The following TMEM266 variants were observed in gnomAD, a reference collection of about 807,000 sequenced individuals.
The protein encoded by TMEM266 is transmembrane protein 266, also known as Hv1 related protein 1.
Under a neutral mutation model 50.5 loss-of-function variants are expected in TMEM266, and 33 were observed. That is an observed-to-expected ratio of 0.65 (90% CI 0.50 to 0.87). TMEM266 has a LOEUF of 0.87. Among genes scored for constraint, TMEM266 ranks in the 40% least tolerant of loss-of-function variants. The pLI is 0.00. For synonymous variants in TMEM266, 310 were observed against 292.3 expected (o/e 1.06, Z -0.62); for missense variants, 655 against 695.1 (o/e 0.94, Z 0.65).
intron 7 of TMEM266, among the ~76,000 whole-genome samples, chr15:76,173,184 C>G (rs561478588): frequency 1.3e-5 from 2 of 152,278 alleles, no homozygotes; most frequent in East Asian, 3.9e-4. Context: ...GTGGCCGGTC[C>G]TCAAGCAGAA....
At chr15:76,149,433 T>A (rs2037804892) in intron 3 of TMEM266, among the ~76,000 whole-genome samples, 1 of 152,210 alleles carries the variant, frequency 6.6e-6, no homozygotes, top group East Asian at 1.9e-4. Flanking sequence ...GGTGGTCATA[T>A]GAGAACCATG....
chr15:76,148,326 G>T (rs1447098561), intron 3 of TMEM266, among the ~76,000 whole-genome samples: 1 of 152,182 alleles, frequency 6.6e-6, no homozygotes, highest in East Asian at 1.9e-4. Context: ...CCAAACCACA[G>T]CAAACCTGGA....
At chr15:76,141,799 C>A (rs761623728) in intron 3 of TMEM266, among the ~76,000 whole-genome samples, 1 of 152,174 alleles carries the variant, frequency 6.6e-6, no homozygotes, top group Non-Finnish European at 1.5e-5. Flanking sequence ...CCTTTGAATT[C>A]GACTACTCTA....
intron 9 of TMEM266, among the ~76,000 whole-genome samples, chr15:76,200,369 C>G (rs1596174751): frequency 6.6e-6 from 1 of 152,208 alleles, no homozygotes. Context: ...CTGAAAGAGC[C>G]TCGCCAGCGC....
intron 9 of TMEM266, among the ~76,000 whole-genome samples, chr15:76,194,119 G>T (rs567426090): frequency 1.3e-5 from 2 of 152,148 alleles, no homozygotes; most frequent in African/African-American, 4.8e-5. Context: ...CCAGCCTCAC[G>T]TGCTCCCCAC....
chr15:76,160,116 C>G lies in TMEM266; in HGVS notation c.404C>G (p.Ala135Gly). 1 of 1,614,206 alleles carries G rather than the reference C, an allele frequency of 6.2e-7. No homozygotes were observed. Among genetic ancestry groups the G allele is most frequent in the South Asian group, 1.1e-5 (1 of 91,086 alleles). The change falls in exon 5 of 11, where the codon GCT becomes GGT. Residue 135 changes from alanine (A) to glycine (G), a missense_variant. Physicochemically the swap from Ala to Gly is moderately conservative, Grantham distance 60. Coordinates refer to ENST00000388942, the MANE Select transcript of TMEM266 (RefSeq NM_152335.3). This position sits in a 1 kb window ranked among gnomAD's most constrained non-coding sequence, Gnocchi z 5.7. ...GCAGTTTCCAGCGCATTCCAGTTTG[C>G]TGGCGTGATTCACTGGATCAGCCTG...
chr15:76,097,096 G>A (rs1039670965), intron 1 of TMEM266, among the ~76,000 whole-genome samples: 1 of 151,820 alleles, frequency 6.6e-6, no homozygotes, highest in Non-Finnish European at 1.5e-5. Flanking sequence ...TTTAACTGGG[G>A]CATTTAGCCT....
chr15:76,136,354 ATATGTCTGTCACC>A (rs753589750), intron 2 of TMEM266, among the ~76,000 whole-genome samples: 23 of 152,232 alleles, frequency 1.5e-4, no homozygotes, highest in Non-Finnish European at 2.1e-4. Context: ...GATCTTCTCC[ATATGTCTGTCACC>A]TATGTCAGAT....
At chr15:76,066,839 G>A (rs2141980991) in intron 1 of TMEM266, among the ~76,000 whole-genome samples, 1 of 152,192 alleles carries the variant, frequency 6.6e-6, no homozygotes, top group African/African-American at 2.4e-5. Context: ...TTGACATTCT[G>A]TAGCAGAGTT....
intron 7 of TMEM266, chr15:76,175,288 G>T (rs1460566227): frequency 3.1e-6 from 1 of 322,256 alleles, no homozygotes; most frequent in Non-Finnish European, 5.8e-6. Flanking sequence ...CTGGAAAATA[G>T]TCTTTATTCC....
chr15:76,159,356 C>A (rs79392556), intron 4 of TMEM266, among the ~76,000 whole-genome samples: 52 of 152,276 alleles, frequency 3.4e-4, no homozygotes, highest in Non-Finnish European at 6.6e-4. Context: ...AAAGAAAATG[C>A]CTTAACTCTA....
At chr15:76,130,669 C>T (rs1008301510) in intron 1 of TMEM266, among the ~76,000 whole-genome samples, 2 of 152,164 alleles carry the variant, frequency 1.3e-5, no homozygotes, top group Non-Finnish European at 2.9e-5. Context: ...AGGATTTATT[C>T]CAAAACAGTC....
At chr15:76,163,167 C>G (rs1433793769) in intron 5 of TMEM266, among the ~76,000 whole-genome samples, 2 of 152,208 alleles carry the variant, frequency 1.3e-5, no homozygotes, top group Non-Finnish European at 2.9e-5. Flanking sequence ...GTGCAGGCCT[C>G]TGGGTGGGTG....
In TMEM266 at chr15:76,203,963, G is replaced by A. The variant is rs373954795; in HGVS notation, c.1244G>A (p.Arg415His). 19 of 1,611,936 alleles carry A rather than the reference G, an allele frequency of 1.2e-5. No individual in the cohort carries two copies. The African/African-American group carries it at 1.5e-4, about 12-fold the overall frequency. Residue 415 changes from arginine to histidine, a missense_variant, in exon 11 of 11, where the codon CGC becomes CAC. Arg to His is a conservative substitution (Grantham distance 29, BLOSUM62 0). This residue lies in a region of TMEM266 where 455 missense variants were observed against 401.8 expected (regional missense o/e 1.13). Coordinates refer to ENST00000388942, the MANE Select transcript of TMEM266 (RefSeq NM_152335.3). ...TCCTCCATGGACTGCAGCACTGCCC[G>A]CGAGGAGCCGTCCTCTGAGCCCGGC...
chr15:76,067,070 T>C (rs1176252426), intron 1 of TMEM266, among the ~76,000 whole-genome samples: 1 of 152,146 alleles, frequency 6.6e-6, no homozygotes, highest in Non-Finnish European at 1.5e-5. Context: ...TTGAGAACCG[T>C]TCTCCATAGG....
chr15:76,187,383 G>A (rs1224228694), intron 8 of TMEM266, among the ~76,000 whole-genome samples: 2 of 152,368 alleles, frequency 1.3e-5, no homozygotes, highest in African/African-American at 4.8e-5. Flanking sequence ...TGGCCTGCAG[G>A]CCTCGATGAG....
intron 3 of TMEM266, among the ~76,000 whole-genome samples, chr15:76,146,590 G>A (rs774783302): frequency 9.2e-5 from 14 of 152,060 alleles, no homozygotes; most frequent in Non-Finnish European, 1.8e-4. Context: ...GATATTTTTC[G>A]GGATTTCAGG....
chr15:76,181,646 C>T (rs1238404295), intron 8 of TMEM266, among the ~76,000 whole-genome samples: 3 of 152,140 alleles, frequency 2.0e-5, no homozygotes, highest in Non-Finnish European at 4.4e-5. Flanking sequence ...AGATGGAGTC[C>T]AAAGTCACGA....
At chr15:76,108,539 A>G (rs913292482) in intron 1 of TMEM266, among the ~76,000 whole-genome samples, 3 of 152,204 alleles carry the variant, frequency 2.0e-5, no homozygotes, top group African/African-American at 7.2e-5. Context: ...ATGAGCTCCC[A>G]GGTGATGCCA....
Sources: allele counts gnomAD v4.1 joint callset (sites outside exome capture counted in the v4.1 genomes callset), GRCh38; gene constraint gnomAD v4.1.1; regional missense constraint gnomAD v4.1.1; non-coding constraint Gnocchi (gnomAD v3.1); transcripts MANE v1.5; gene names NCBI Gene and HGNC (gene_info 2026-07-23, HGNC 2026-07-21).